The following CDH6 variants were observed in gnomAD, a reference collection of about 807,000 sequenced individuals.
CDH6 encodes cadherin 6.
CDH6 carries 31 observed loss-of-function variants against 78.0 expected under a neutral mutation model. The observed-to-expected ratio is 0.40, with a 90% confidence interval of 0.30 to 0.54. The LOEUF is 0.54. Among genes scored for constraint, CDH6 ranks in the 20% least tolerant of loss-of-function variants. CDH6 has a pLI of 0.56. For missense variants in CDH6, 724 were observed against 975.9 expected, an observed-to-expected ratio of 0.74 and a Z score of 3.44; for synonymous variants, 376 against 368.8, an observed-to-expected ratio of 1.02 and a Z score of -0.23.
chr5:31,296,469 T>C (rs1009326076), intron 3 of CDH6, among the ~76,000 whole-genome samples: 2 of 152,170 alleles, frequency 1.3e-5, no homozygotes, highest in African/African-American at 4.8e-5. Flanking sequence ...TAGCCTTCTT[T>C]GTATATTTAA....
At chr5:31,215,883 A>G (rs980266049) in intron 1 of CDH6, among the ~76,000 whole-genome samples, 2 of 152,152 alleles carry the variant, frequency 1.3e-5, no homozygotes, top group African/African-American at 2.4e-5. Flanking sequence ...GATGGACAGC[A>G]AATTTCCACA....
At chr5:31,275,123 A>C (rs1410686776) in intron 2 of CDH6, among the ~76,000 whole-genome samples, 3 of 152,244 alleles carry the variant, frequency 2.0e-5, no homozygotes, top group Non-Finnish European at 4.4e-5. Flanking sequence ...CTGTAGTAGC[A>C]GATAAGAATA....
Position 31,316,228 on chromosome 5 carries a change from C to T in CDH6, c.1411C>T (p.Arg471Ter), listed in dbSNP as rs570422641. The change falls in exon 9 of 12, where the codon CGA (arginine) becomes TGA (stop). Residue 471 changes from arginine (R) to a stop codon, truncating the protein, a stop_gained. Transcript: ENST00000265071. LOFTEE classifies it high-confidence loss of function. ...TEINNPKQSS[R>*]VPLYIKVLDV... ...GACAGATAATCCAAAGCAAAGTAGT[C>T]GAGTACCTCTATATATTAAAGTTCT... is the stretch of plus-strand genomic sequence containing the variant. 4 of 1,609,174 alleles carry T rather than the reference C, an allele frequency of 2.5e-6. No homozygotes were observed. Among genetic ancestry groups the T allele is most frequent in the Non-Finnish European group, 3.4e-6 (4 of 1,178,338 alleles).
At chr5:31,232,289 T>C (rs1741330948) in intron 1 of CDH6, among the ~76,000 whole-genome samples, 1 of 152,198 alleles carries the variant, frequency 6.6e-6, no homozygotes, top group South Asian at 2.1e-4. Flanking sequence ...ATTAAATACA[T>C]AACTGGAAAA....
At chr5:31,217,519 C>T (rs1740900951) in intron 1 of CDH6, among the ~76,000 whole-genome samples, 1 of 152,094 alleles carries the variant, frequency 6.6e-6, no homozygotes, top group Non-Finnish European at 1.5e-5. Context: ...GCTGGATACT[C>T]ACAAGTGAAC....
At position 31,298,679 on chromosome 5, in the gene CDH6, C is replaced by T. The variant is rs185519467; in HGVS notation, c.644-785C>T. Among the ~76,000 whole-genome samples the T allele has an allele frequency of 5.5e-3, 832 of 152,230 alleles. 4 individuals are homozygous for T. The highest frequency in any genetic ancestry group is 8.4e-3 in the Non-Finnish European group (574 of 67,990). Reference sequence around the variant, plus strand: ...AAATTTGAAAGAAAGTTAATTTAAGCATAAACCTTACATAGAAATTGGGCA... The same window carrying T: ...AAATTTGAAAGAAAGTTAATTTAAGTATAAACCTTACATAGAAATTGGGCA... On this transcript the variant is annotated intron_variant, in intron 4 of 11. Coordinates refer to ENST00000265071, the MANE Select transcript of CDH6 (RefSeq NM_004932.4).
intron 11 of CDH6, among the ~76,000 whole-genome samples, chr5:31,319,556 A>G (rs1405688916): frequency 1.3e-5 from 2 of 152,224 alleles, no homozygotes; most frequent in Non-Finnish European, 2.9e-5. Flanking sequence ...AACACGTGGT[A>G]AAACTAAAGT....
rs75440395 is a variant in CDH6, at chr5:31,325,567, T to C, written c.*2259T>C. On this transcript the variant is annotated 3_prime_UTR_variant, in exon 12 of 12. Coordinates refer to ENST00000265071, the MANE Select transcript of CDH6 (RefSeq NM_004932.4). ...TAACAAATTGAATCAAGGAAGATAGTCCTGTAAAAAGAAAGGTATCATCTG... is the reference window on the plus strand; with the variant it reads ...TAACAAATTGAATCAAGGAAGATAGCCCTGTAAAAAGAAAGGTATCATCTG... 5.9e-3 allele frequency: 1,362 copies of C among 231,038 alleles called. 26 individuals carry two copies. Among genetic ancestry groups the C allele is most frequent in the East Asian group, 0.047 (761 of 16,222 alleles). The allele number at this position is 231,038 out of a possible 1,614,324, so 14.3% of individuals were successfully genotyped here. A position where few individuals can be genotyped will look rare whatever the true frequency, so the allele number is the denominator to read the frequency against.
intron 1 of CDH6, among the ~76,000 whole-genome samples, chr5:31,220,513 C>T (rs916874083): frequency 6.6e-6 from 1 of 151,858 alleles, no homozygotes; most frequent in Non-Finnish European, 1.5e-5. Flanking sequence ...TTGCTAAGGA[C>T]CAAGTACTGA....
chr5:31,299,434 C>T, intron 4 of CDH6, 30 bp from the exon 5 acceptor site: 1 of 1,572,814 alleles, frequency 6.4e-7, no homozygotes, highest in African/African-American at 1.3e-5. Flanking sequence ...TTAATGCATC[C>T]CTTTGCACTC....
At chr5:31,290,782 T>C (rs961271726) in intron 2 of CDH6, among the ~76,000 whole-genome samples, 1 of 151,960 alleles carries the variant, frequency 6.6e-6, no homozygotes, top group Non-Finnish European at 1.5e-5. Context: ...ACCCAGAAAA[T>C]GCACTTTGGA....
At chr5:31,304,864 C>T (rs1737935217) in intron 6 of CDH6, among the ~76,000 whole-genome samples, 1 of 152,020 alleles carries the variant, frequency 6.6e-6, no homozygotes, top group South Asian at 2.1e-4. Flanking sequence ...TGGTATGATG[C>T]CTTGTACCTC....
rs74680777 is a variant in CDH6, at chr5:31,235,236, C to T, written c.-128-32110C>T. Among the ~76,000 whole-genome samples, 896 of 110,592 alleles carry T rather than the reference C, an allele frequency of 8.1e-3. 48 individuals are homozygous for T. The East Asian group carries it at 0.14, about 17-fold the overall frequency. 72.6% of individuals were successfully genotyped at this position (110,592 alleles called of 152,430 possible). A position where few individuals can be genotyped will look rare whatever the true frequency, so the allele number is the denominator to read the frequency against. ...AATTTCATCTTTTCTATTCCTTTTT[C>T]TTTTTTTTTTTTTTTTTGCCTTGTA... On this transcript the variant is annotated intron_variant, in intron 1 of 11. Coordinates refer to ENST00000265071, the MANE Select transcript of CDH6 (RefSeq NM_004932.4).
intron 1 of CDH6, 150 bp downstream of exon 1, chr5:31,194,036 G>A (rs1172494123): frequency 1.3e-5 from 2 of 152,008 alleles, no homozygotes; most frequent in East Asian, 2.0e-4. Flanking sequence ...CTGCGAGCCC[G>A]GGTCGGGGCG....
At position 31,267,540 on chromosome 5, in the gene CDH6, C is replaced by T. The variant is rs1488096049; in HGVS notation, c.67C>T (p.Pro23Ser). The change falls in exon 2 of 12, where the codon CCA becomes TCA. Residue 23 changes from proline (P) to serine (S), a missense_variant. By Grantham distance (74) the Pro-to-Ser change is moderately conservative. Around this residue, in one of 3 missense-constraint regions of CDH6, gnomAD observed 58 missense variants for 50.8 expected, o/e 1.14. Coordinates refer to ENST00000265071, the MANE Select transcript of CDH6 (RefSeq NM_004932.4). ...VGQPYPTLST[P>S]LSKRTSGFPA... ...CCAGCCCTACCCAACTCTCTCAACT[C>T]CACTATCAAAGAGGACTAGTGGTTT... 6.2e-7 allele frequency: 1 copy of T among 1,614,120 alleles called. No individual in the cohort carries two copies. Among genetic ancestry groups the T allele is most frequent in the Middle Eastern group, 1.7e-4 (1 of 6,060 alleles).
At chr5:31,305,025 C>T in intron 6 of CDH6, 149 bp from the exon 7 acceptor site, 3 of 782,230 alleles carry the variant, frequency 3.8e-6, no homozygotes, top group Non-Finnish European at 6.2e-6. Flanking sequence ...TCTTTTCTCC[C>T]TTTGCCCAAT....
chr5:31,194,146 G>A (rs1740095648), intron 1 of CDH6, among the ~76,000 whole-genome samples: 1 of 152,156 alleles, frequency 6.6e-6, no homozygotes, highest in Middle Eastern at 3.4e-3. Flanking sequence ...CTCCTGGTAA[G>A]ACCGATCCGC....
intron 2 of CDH6, among the ~76,000 whole-genome samples, chr5:31,278,478 A>C (rs1435083392): frequency 6.6e-6 from 1 of 152,216 alleles, no homozygotes; most frequent in Non-Finnish European, 1.5e-5. Context: ...TTAAAATCAG[A>C]CATTATTTAG....
chr5:31,297,617 G>A (rs1355314065), intron 4 of CDH6, among the ~76,000 whole-genome samples: 2 of 152,164 alleles, frequency 1.3e-5, no homozygotes, highest in East Asian at 3.8e-4. Flanking sequence ...TTTCTATGGA[G>A]TAGATTGAGA....
Sources: gnomAD v4.1 joint callset for allele counts (sites outside exome capture counted in the v4.1 genomes callset) on GRCh38, gnomAD v4.1.1 for gene constraint, gnomAD v4.1.1 regional missense constraint, MANE v1.5 for transcripts, NCBI Gene and HGNC (gene_info 2026-07-23, HGNC 2026-07-21) for gene names.